Variants in PHEX observed in about 807,000 individuals in gnomAD.
PHEX encodes phosphate-regulating neutral endopeptidase PHEX.
PHEX carries 16 observed loss-of-function variants against 68.0 expected under a neutral mutation model. The ratio of observed to expected loss-of-function variants is 0.24; its 90% CI spans 0.16 to 0.36. PHEX has a LOEUF of 0.36. Ranked by LOEUF, PHEX falls within the 10% of genes least tolerant of loss-of-function variation. PHEX has a pLI of 1.00. For missense variants in PHEX, 480 were observed against 575.5 expected (o/e 0.83, Z 1.70); for synonymous variants, 208 against 205.1 (o/e 1.01, Z -0.12).
At chrX:22,235,727 T>TATC (rs1165956704) in intron 20 of PHEX, among the ~76,000 whole-genome samples, 1 of 111,205 alleles carries the variant, frequency 9.0e-6, no homozygotes, top group African/African-American at 3.3e-5. Flanking sequence ...CCCATTACCC[T>TATC]ATCTTATCAT....
chrX:22,047,214 A>G lies in PHEX; in HGVS notation c.349+3A>G, dbSNP rs1325062642. 1 of 1,193,915 alleles carries G rather than the reference A, an allele frequency of 8.4e-7. No individual in the cohort carries two copies. Among genetic ancestry groups the G allele is most frequent in the Non-Finnish European group, 1.1e-6 (1 of 880,507 alleles). On this transcript the variant is annotated splice_donor_region_variant and intron_variant, in intron 3 of 21. Transcript: ENST00000379374. ...TAATGTTGACCTCAAGTTGAAGGGT[A>G]AGTTTCTACTGGGGTTTGGTGATAC...
At chrX:22,143,501 A>G (rs914686995) in intron 12 of PHEX, among the ~76,000 whole-genome samples, 42 of 110,589 alleles carry the variant, frequency 3.8e-4, no homozygotes, top group African/African-American at 1.2e-3. Context: ...CACCACCTCT[A>G]TCCAGTTCCA....
chrX:22,238,415 G>T (rs146880614), intron 20 of PHEX, among the ~76,000 whole-genome samples: 2 of 111,649 alleles, frequency 1.8e-5, no homozygotes, highest in Non-Finnish European at 3.8e-5. Flanking sequence ...CAGCTACTGC[G>T]CATTTCCCAC....
chrX:22,224,258 C>G (rs1358389344), intron 18 of PHEX, among the ~76,000 whole-genome samples: 1 of 111,991 alleles, frequency 8.9e-6, no homozygotes, highest in Non-Finnish European at 1.9e-5. Flanking sequence ...GCTGGGATTA[C>G]AGGTGTGAGC....
intron 7 of PHEX, among the ~76,000 whole-genome samples, chrX:22,094,986 G>A (rs746830987): frequency 8.9e-6 from 1 of 112,116 alleles, no homozygotes; most frequent in African/African-American, 3.2e-5. Context: ...AGAAAGTTTT[G>A]CGTATGTGTT....
chrX:22,097,218 G>A (rs974050196), intron 8 of PHEX, among the ~76,000 whole-genome samples, 180 bp downstream of exon 8: 1 of 112,186 alleles, frequency 8.9e-6, no homozygotes, highest in Non-Finnish European at 1.9e-5. Context: ...CTGTTACAGG[G>A]AACAAAACAT....
chrX:22,211,060 T>TTC (rs1412697730), intron 15 of PHEX, among the ~76,000 whole-genome samples: 1 of 111,544 alleles, frequency 9.0e-6, no homozygotes. Context: ...TACAGAAGGC[T>TTC]TCTCTCTCTC....
At chrX:22,038,249 C>G (rs1248829056) in intron 1 of PHEX, among the ~76,000 whole-genome samples, 2 of 110,968 alleles carry the variant, frequency 1.8e-5, no homozygotes, top group Non-Finnish European at 3.8e-5. Flanking sequence ...ATCTTACGTA[C>G]GAGAGAACTG....
chrX:22,229,082 C>T (rs1021776180), intron 20 of PHEX, among the ~76,000 whole-genome samples: 13 of 112,000 alleles, frequency 1.2e-4, no homozygotes, highest in African/African-American at 3.9e-4. Flanking sequence ...TATGGCTACA[C>T]AGTATGCCAT....
chrX:22,248,188 A>G lies in PHEX; in HGVS notation c.*235A>G. 1 of 406,168 alleles carries G rather than the reference A, an allele frequency of 2.5e-6. No homozygotes were observed. Among genetic ancestry groups the G allele is most frequent in the Non-Finnish European group, 4.3e-6 (1 of 231,957 alleles). 33.5% of individuals were successfully genotyped at this position (406,168 alleles called of 1,213,427 possible). On this transcript the variant is annotated 3_prime_UTR_variant, in exon 22 of 22. Transcript: ENST00000379374. ...TCTTTAGAAAATCAAACCAACAAAA[A>G]TAAATCCCTAGGCTACTTTTGTTAA...
Position 22,250,723 on chromosome X carries a change from A to T in PHEX, c.*2770A>T, listed in dbSNP as rs1387416669. ...CTCATTTATTCATTTTATGAGATGG[A>T]CTTGGACATCACTAATGCAAACACA... On this transcript the variant is annotated 3_prime_UTR_variant, in exon 22 of 22. Transcript: ENST00000379374. 8.9e-6 allele frequency: 1 copy of T among 112,362 alleles called. No homozygotes were observed. The highest frequency in any genetic ancestry group is 1.9e-5 in the Non-Finnish European group (1 of 53,257). The allele number at this position is 112,362 out of a possible 1,213,427, so 9.3% of individuals were successfully genotyped here.
intron 12 of PHEX, among the ~76,000 whole-genome samples, chrX:22,137,916 C>T (rs1027455335): frequency 8.9e-6 from 1 of 111,865 alleles, no homozygotes; most frequent in African/African-American, 3.2e-5. Context: ...ATGACCACAC[C>T]TTCCTCAGAA....
intron 3 of PHEX, among the ~76,000 whole-genome samples, chrX:22,048,495 C>T (rs762286137): frequency 6.3e-5 from 7 of 111,450 alleles, no homozygotes; most frequent in African/African-American, 2.3e-4. Context: ...CACACACACA[C>T]GCGCGCACAG....
Position 22,211,935 on chromosome X carries a change from G to A in PHEX, c.1646-969G>A, listed in dbSNP as rs188762096. Among the ~76,000 whole-genome samples the A allele has an allele frequency of 9.0e-5, 10 of 111,579 alleles. No homozygotes were observed. In the East Asian group the frequency reaches 2.8e-3, roughly 32 times the overall value. Reference sequence around the variant, plus strand: ...ATTCACTACCATGAGAACAGTATGGGGGAAACCGCGCCCATGATTCAATTA... The same window carrying A: ...ATTCACTACCATGAGAACAGTATGGAGGAAACCGCGCCCATGATTCAATTA... On this transcript the variant is annotated intron_variant, in intron 15 of 21. Coordinates refer to ENST00000379374, the MANE Select transcript of PHEX (RefSeq NM_000444.6).
intron 15 of PHEX, among the ~76,000 whole-genome samples, chrX:22,191,083 G>A (rs1367552044): frequency 8.9e-6 from 1 of 111,778 alleles, no homozygotes; most frequent in Non-Finnish European, 1.9e-5. Flanking sequence ...TCAGTGGTAC[G>A]ATCCTGGCTC....
In PHEX at chrX:22,077,613, G is replaced by A; in HGVS notation, c.574G>A (p.Ala192Thr). The change falls in exon 5 of 22, where the codon GCA (alanine) becomes ACA (threonine). Residue 192 changes from alanine (A) to threonine (T), a missense_variant. Ala to Thr is a moderately conservative substitution (Grantham distance 58). Coordinates refer to ENST00000379374, the MANE Select transcript of PHEX (RefSeq NM_000444.6). Reference sequence around the variant, plus strand: ...AAAGTTCAGCCTTCTGCAGACACTTGCAACGTTTCGTGGTCAATACAGCAA... The same window carrying A: ...AAAGTTCAGCCTTCTGCAGACACTTACAACGTTTCGTGGTCAATACAGCAA... ...ERKFSLLQTL[A>T]TFRGQYSNSV... 1 of 1,210,884 alleles carries A rather than the reference G, an allele frequency of 8.3e-7. No homozygotes were observed. Among genetic ancestry groups the A allele is most frequent in the Middle Eastern group, 2.3e-4 (1 of 4,353 alleles).
intron 12 of PHEX, among the ~76,000 whole-genome samples, chrX:22,145,493 G>GT (rs1005030337): frequency 7.2e-5 from 8 of 110,824 alleles, no homozygotes; most frequent in Middle Eastern, 9.2e-3. Flanking sequence ...TCATGCACGT[G>GT]TAATCCCAGC....
At chrX:22,136,471 A>G (rs969401277) in intron 12 of PHEX, among the ~76,000 whole-genome samples, 11 of 112,139 alleles carry the variant, frequency 9.8e-5, no homozygotes, top group African/African-American at 1.9e-4. Flanking sequence ...TTTCTCATCA[A>G]TAATAGTGCC....
chrX:22,158,408 A>T (rs190176918), intron 12 of PHEX, among the ~76,000 whole-genome samples: 314 of 112,256 alleles, frequency 2.8e-3, no homozygotes, highest in African/African-American at 9.7e-3. Flanking sequence ...GGCAGTGATC[A>T]GTTGTTCCAT....
Sources: allele counts gnomAD v4.1 joint callset (sites outside exome capture counted in the v4.1 genomes callset), GRCh38; gene constraint gnomAD v4.1.1; transcripts MANE v1.5; gene names NCBI Gene and HGNC (gene_info 2026-07-23, HGNC 2026-07-21).